DAPK1: variants seen among roughly 807,000 people sequenced by gnomAD.
The protein encoded by DAPK1 is death associated protein kinase 1, also known as death-associated protein kinase 1.
DAPK1 carries 56 observed loss-of-function variants against 144.9 expected under a neutral mutation model. The observed-to-expected ratio is 0.39, with a 90% confidence interval of 0.31 to 0.48. The LOEUF (loss-of-function observed/expected upper bound fraction) is 0.48. DAPK1 is among the 20% of genes least tolerant of loss of function. DAPK1 has a pLI of 0.95. For missense variants in DAPK1, 1,454 were observed against 1,875.4 expected (o/e 0.78, Z 4.15); for synonymous variants, 690 against 749.0 (o/e 0.92, Z 1.29).
chr9:87,584,771 G>A (rs1827885854), intron 2 of DAPK1, among the ~76,000 whole-genome samples: 1 of 151,760 alleles, frequency 6.6e-6, no homozygotes, highest in Non-Finnish European at 1.5e-5. Context: ...CCACCTCCTG[G>A]GTTCAACTGA....
chr9:87,679,790 G>A (rs1359784855), intron 19 of DAPK1, among the ~76,000 whole-genome samples: 1 of 152,172 alleles, frequency 6.6e-6, no homozygotes, highest in East Asian at 1.9e-4. Flanking sequence ...AAAGAAGAAA[G>A]TAATGAGGAT....
At chr9:87,573,907 C>T (rs891963501) in intron 2 of DAPK1, among the ~76,000 whole-genome samples, 1 of 152,148 alleles carries the variant, frequency 6.6e-6, no homozygotes, top group Non-Finnish European at 1.5e-5. Flanking sequence ...GACAGAAAAC[C>T]TCAAATAATA....
At chr9:87,665,959 T>C (rs1047873236) in intron 18 of DAPK1, among the ~76,000 whole-genome samples, 1 of 152,192 alleles carries the variant, frequency 6.6e-6, no homozygotes, top group Non-Finnish European at 1.5e-5. Flanking sequence ...ATTGAGTCCA[T>C]GAGCCCTGTT....
chr9:87,622,728 C>T (rs746215534), intron 3 of DAPK1, among the ~76,000 whole-genome samples: 3 of 151,880 alleles, frequency 2.0e-5, no homozygotes, highest in East Asian at 1.9e-4. Context: ...CTGGGCAACA[C>T]GGTGAAACCC....
intron 15 of DAPK1, 68 bp from the exon 16 acceptor site, chr9:87,649,853 C>A: frequency 6.5e-7 from 1 of 1,533,432 alleles, no homozygotes; most frequent in Non-Finnish European, 9.0e-7. Context: ...CAGGGACTCT[C>A]ACCTTGCTTT....
chr9:87,641,840 A>G (rs996590793), intron 9 of DAPK1, 129 bp from the exon 10 acceptor site: 1 of 705,364 alleles, frequency 1.4e-6, no homozygotes, highest in Non-Finnish European at 2.3e-6. Context: ...TGTTATCCCA[A>G]CTTCTTATGC....
chr9:87,616,903 A>T (rs190785492), intron 3 of DAPK1, among the ~76,000 whole-genome samples: 5 of 152,312 alleles, frequency 3.3e-5, no homozygotes, highest in Admixed American at 3.3e-4. Flanking sequence ...GAACCTTTTG[A>T]TTCAGTCTCT....
chr9:87,666,235 T>C (rs2119261643), intron 18 of DAPK1, among the ~76,000 whole-genome samples: 1 of 152,240 alleles, frequency 6.6e-6, no homozygotes, highest in South Asian at 2.1e-4. Context: ...CCATTTTCCA[T>C]CTTGCAGATG....
intron 2 of DAPK1, among the ~76,000 whole-genome samples, chr9:87,511,566 A>G (rs1824842942): frequency 6.6e-6 from 1 of 152,178 alleles, no homozygotes. Flanking sequence ...TTTGAGGGAT[A>G]TCATCCTGGT....
chr9:87,512,501 G>C (rs1283434140), intron 2 of DAPK1, among the ~76,000 whole-genome samples: 1 of 152,198 alleles, frequency 6.6e-6, no homozygotes, highest in African/African-American at 2.4e-5. Flanking sequence ...GTTGGTGGCT[G>C]AAAGGCTGGA....
intron 11 of DAPK1, among the ~76,000 whole-genome samples, chr9:87,645,508 CT>C (rs1248772534): frequency 2.6e-5 from 4 of 152,158 alleles, no homozygotes; most frequent in African/African-American, 9.7e-5. Flanking sequence ...ATAGGCTTTT[CT>C]TTTTCCTTAT....
At chr9:87,574,294 T>C (rs1041053503) in intron 2 of DAPK1, among the ~76,000 whole-genome samples, 2 of 152,164 alleles carry the variant, frequency 1.3e-5, no homozygotes, top group Non-Finnish European at 2.9e-5. Context: ...GATTCTCAGC[T>C]AAAAATGGGT....
chr9:87,619,913 A>G lies in DAPK1; in HGVS notation c.284+14738A>G, dbSNP rs569428810. Among the ~76,000 whole-genome samples the G allele has an allele frequency of 2.0e-5, 3 of 152,318 alleles. No individual in the cohort carries two copies. The East Asian group carries it at 5.8e-4, about 29-fold the overall frequency. ...AGGAAAGAAAGCCGATGAGCTCTTC[A>G]GAAGATGAGCTCTTCAGACAATCCT... On this transcript the variant is annotated intron_variant, in intron 3 of 25. Transcript: ENST00000408954.
At chr9:87,624,754 A>G (rs1162452445) in intron 3 of DAPK1, among the ~76,000 whole-genome samples, 1 of 152,210 alleles carries the variant, frequency 6.6e-6, no homozygotes, top group Non-Finnish European at 1.5e-5. Flanking sequence ...TGTACCTGTA[A>G]CATCAATGCC....
At chr9:87,666,477 G>GTTTTTT (rs71354777) in intron 18 of DAPK1, among the ~76,000 whole-genome samples, 3 of 139,982 alleles carry the variant, frequency 2.1e-5, no homozygotes, top group Admixed American at 7.2e-5. Context: ...TTTTGTTTTT[G>GTTTTTT]TTTTTTTTTT....
Position 87,552,653 on chromosome 9 carries a change from A to T in DAPK1, c.63-52301A>T, listed in dbSNP as rs541824152. Among the ~76,000 whole-genome samples the T allele has an allele frequency of 4.5e-4, 69 of 151,998 alleles. 1 individual carries two copies. The South Asian group carries it at 0.014, about 30-fold the overall frequency. On this transcript the variant is annotated intron_variant, in intron 2 of 25. Coordinates refer to ENST00000408954, the MANE Select transcript of DAPK1 (RefSeq NM_004938.4). ...GTCACCCAGGCTGGTGTGCAGTGGT[A>T]CAATCATAGCTCACTGCAACCTCCA... is the stretch of plus-strand genomic sequence containing the variant.
chr9:87,524,486 G>T (rs1433612735), intron 2 of DAPK1, among the ~76,000 whole-genome samples: 2 of 152,178 alleles, frequency 1.3e-5, no homozygotes, highest in East Asian at 3.9e-4. Context: ...CTCTTTCTCA[G>T]AGCCTAACAG....
At chr9:87,575,092 C>A (rs1386842262) in intron 2 of DAPK1, among the ~76,000 whole-genome samples, 1 of 151,212 alleles carries the variant, frequency 6.6e-6, no homozygotes, top group African/African-American at 2.4e-5. Context: ...TAGTGGTGTG[C>A]ATCTGTAGTC....
At position 87,668,623 on chromosome 9, in the gene DAPK1, T is replaced by C. The variant is rs1240088605; in HGVS notation, c.1950T>C (p.Ala650=). The change falls in exon 19 of 26, where the codon GCT becomes GCC. Residue 650 remains alanine (A), a synonymous_variant. Coordinates refer to ENST00000408954, the MANE Select transcript of DAPK1 (RefSeq NM_004938.4). ...ACGGAAAGACGGCAGAAGATCTTGC[T>C]AGATCGGAACAGCACGAGCACGTAG... ...TTDGKTAEDL[A]RSEQHEHVAG... 3 of 1,478,264 alleles carry C rather than the reference T, an allele frequency of 2.0e-6. No individual in the cohort carries two copies. The highest frequency in any genetic ancestry group is 1.1e-5 in the South Asian group (1 of 88,510). The allele number at this position is 1,478,264 out of a possible 1,614,324, so 91.6% of individuals were successfully genotyped here.
Sources: gnomAD v4.1 joint callset for allele counts (sites outside exome capture counted in the v4.1 genomes callset) on GRCh38, gnomAD v4.1.1 for gene constraint, MANE v1.5 for transcripts, NCBI Gene and HGNC (gene_info 2026-07-23, HGNC 2026-07-21) for gene names.